The following CEP83 variants were observed in gnomAD, a reference collection of about 807,000 sequenced individuals.
The protein encoded by CEP83 is centrosomal protein of 83 kDa.
Under a neutral mutation model 101.9 loss-of-function variants are expected in CEP83, and 70 were observed. The ratio of observed to expected loss-of-function variants is 0.69; its 90% confidence interval spans 0.57 to 0.84. The LOEUF (loss-of-function observed/expected upper bound fraction) is 0.84, where lower values mean the gene tolerates loss of function less well. Ranked by LOEUF, CEP83 falls within the 40% of genes least tolerant of loss-of-function variation. The pLI is 0.00. For synonymous variants in CEP83, 264 were observed against 267.9 expected, an observed-to-expected ratio of 0.99 and a Z score of 0.14; for missense variants, 715 against 787.2, an observed-to-expected ratio of 0.91 and a Z score of 1.10.
chr12:94,331,981 T>C, intron 13 of CEP83, 152 bp from the exon 14 acceptor site: 1 of 643,856 alleles, frequency 1.6e-6, no homozygotes, highest in Non-Finnish European at 2.7e-6. Flanking sequence ...TGTTTGGAAA[T>C]CCCACCATTA....
the CEP83 span, chr12:94,281,686 AT>A: frequency 6.6e-6 from 1 of 152,226 alleles, no homozygotes; most frequent in East Asian, 1.9e-4. Context: ...CTCCCAAAGT[AT>A]TGGGATTATA....
intron 6 of CEP83, among the ~76,000 whole-genome samples, chr12:94,383,170 A>G (rs1178396118): frequency 6.6e-6 from 1 of 151,942 alleles, no homozygotes; most frequent in Non-Finnish European, 1.5e-5. Flanking sequence ...AGTCTGCTCT[A>G]TCTGATATTA....
At position 94,310,117 on chromosome 12, in the gene CEP83, A is replaced by C; in HGVS notation, c.1812-10T>G. ...AAAAGGAACATTTTGTCTTAAAAAG[A>C]AAAAGAAATGTTTCTTTAACATGGT... is the stretch of plus-strand genomic sequence containing the variant. On this transcript the variant is annotated splice_polypyrimidine_tract_variant and intron_variant, in intron 15 of 16. Transcript: ENST00000397809. 6.9e-7 allele frequency: 1 copy of C among 1,456,654 alleles called. No individual in the cohort carries two copies. The highest frequency in any genetic ancestry group is 9.5e-7 in the Non-Finnish European group (1 of 1,054,388). 90.2% of individuals were successfully genotyped at this position (1,456,654 alleles called of 1,614,324 possible). A position where few individuals can be genotyped will look rare whatever the true frequency, so the allele number is the denominator to read the frequency against.
At chr12:94,376,467 CA>C (rs2061540710) in intron 7 of CEP83, among the ~76,000 whole-genome samples, 2 of 151,402 alleles carry the variant, frequency 1.3e-5, no homozygotes, top group South Asian at 2.1e-4. Flanking sequence ...AAAAAAGAAA[CA>C]GGGAAAGATA....
At chr12:94,320,559 GTGAGA>G (rs1234736618) in intron 14 of CEP83, among the ~76,000 whole-genome samples, 1 of 151,884 alleles carries the variant, frequency 6.6e-6, no homozygotes, top group Non-Finnish European at 1.5e-5. Flanking sequence ...AAGATCTCTT[GTGAGA>G]TGGGTCTCCA....
the CEP83 span, chr12:94,297,358 A>C: frequency 6.2e-7 from 1 of 1,614,076 alleles, no homozygotes; most frequent in Non-Finnish European, 8.5e-7. Flanking sequence ...GCAAGGAAAG[A>C]GACATCGAGG....
At chr12:94,415,278 G>A (rs980509423) in intron 2 of CEP83, among the ~76,000 whole-genome samples, 1 of 152,016 alleles carries the variant, frequency 6.6e-6, no homozygotes, top group Non-Finnish European at 1.5e-5. Flanking sequence ...TTGTCCTAAG[G>A]TAAAATGATT....
At chr12:94,310,227 A>G (rs1359357179) in intron 15 of CEP83, 120 bp from the exon 16 acceptor site, 1 of 382,720 alleles carries the variant, frequency 2.6e-6, no homozygotes, top group Non-Finnish European at 4.5e-6. Flanking sequence ...TATAATATAT[A>G]GATAAAAAAT....
At chr12:94,386,569 A>G (rs2062160700) in intron 6 of CEP83, among the ~76,000 whole-genome samples, 1 of 152,162 alleles carries the variant, frequency 6.6e-6, no homozygotes, top group Non-Finnish European at 1.5e-5. Flanking sequence ...TCCAGAACCT[A>G]AGATGGGGCA....
At position 94,316,816 on chromosome 12, in the gene CEP83, C is replaced by T. The variant is rs1970775527; in HGVS notation, c.1708-3799G>A. On this transcript the variant is annotated intron_variant, in intron 14 of 16. Transcript: ENST00000397809. The stretch of plus-strand genomic sequence containing the variant: ...GTATATATACCGCATTTTCTTTATC[C>T]AATCTTCCATTGATGGGCATTTAGG... Among the ~76,000 whole-genome samples, 4 of 152,166 alleles carry T rather than the reference C, an allele frequency of 2.6e-5. No individual in the cohort carries two copies. The South Asian group carries it at 6.2e-4, about 24-fold the overall frequency.
intron 11 of CEP83, among the ~76,000 whole-genome samples, chr12:94,355,826 A>G (rs1446822745): frequency 6.6e-6 from 1 of 152,228 alleles, no homozygotes; most frequent in Admixed American, 6.5e-5. Context: ...TTCCTGCTGC[A>G]ATTAATTCGG....
intron 11 of CEP83, among the ~76,000 whole-genome samples, chr12:94,360,766 TG>T (rs1565985006): frequency 6.6e-6 from 1 of 151,998 alleles, no homozygotes; most frequent in Admixed American, 6.6e-5. Context: ...AAAATTTGCA[TG>T]GAGTCACAAG....
chr12:94,377,086 T>A (rs1390181553), intron 7 of CEP83, among the ~76,000 whole-genome samples: 1 of 152,040 alleles, frequency 6.6e-6, no homozygotes, highest in African/African-American at 2.4e-5. Context: ...AAGGATAAAT[T>A]TCAGTTTTAT....
intron 14 of CEP83, among the ~76,000 whole-genome samples, chr12:94,321,244 G>T (rs1037056787): frequency 6.6e-6 from 1 of 151,996 alleles, no homozygotes; most frequent in Non-Finnish European, 1.5e-5. Flanking sequence ...TTTTATACTG[G>T]CTATTTCATC....
At chr12:94,323,945 G>A (rs955624875) in intron 14 of CEP83, among the ~76,000 whole-genome samples, 3 of 152,140 alleles carry the variant, frequency 2.0e-5, no homozygotes, top group African/African-American at 7.2e-5. Flanking sequence ...GATCACAATA[G>A]TTTTCCTTCT....
At chr12:94,457,208 G>C (rs561272410) in intron 1 of CEP83, among the ~76,000 whole-genome samples, 3 of 152,212 alleles carry the variant, frequency 2.0e-5, no homozygotes, top group Non-Finnish European at 4.4e-5. Flanking sequence ...CACTTGAAAA[G>C]GCAAGGTGAG....
At chr12:94,401,190 C>T (rs947222691) in intron 5 of CEP83, 2 of 247,016 alleles carry the variant, frequency 8.1e-6, no homozygotes, top group Non-Finnish European at 1.5e-5. Flanking sequence ...AAAAGATATC[C>T]AAAAAGTAAA....
chr12:94,405,935 G>A (rs2063509464), intron 4 of CEP83, among the ~76,000 whole-genome samples: 1 of 152,174 alleles, frequency 6.6e-6, no homozygotes, highest in South Asian at 2.1e-4. Context: ...ACACATGTGT[G>A]CAAGGAAACT....
Position 94,308,378 on chromosome 12 carries a change from A to G in CEP83, c.*435T>C, listed in dbSNP as rs1225320885. On this transcript the variant is annotated 3_prime_UTR_variant, in exon 17 of 17. Transcript: ENST00000397809. ...TTTACATTCTTTAGGCTGACTTTTA[A>G]ATTGTCATCTTTTTTCAACTACAGT... 4 of 153,224 alleles carry G rather than the reference A, an allele frequency of 2.6e-5. No homozygotes were observed. Among genetic ancestry groups the G allele is most frequent in the Admixed American group, 6.5e-5 (1 of 15,346 alleles). 9.5% of individuals were successfully genotyped at this position (153,224 alleles called of 1,614,324 possible). A position where few individuals can be genotyped will look rare whatever the true frequency, so the allele number is the denominator to read the frequency against.
Sources: gnomAD v4.1 joint callset for allele counts (sites outside exome capture counted in the v4.1 genomes callset) on GRCh38, gnomAD v4.1.1 for gene constraint, MANE v1.5 for transcripts, NCBI Gene and HGNC (gene_info 2026-07-23, HGNC 2026-07-21) for gene names.